SAPCD2: variants seen among roughly 807,000 people sequenced by gnomAD.
SAPCD2 encodes suppressor APC domain-containing protein 2.
Under a neutral mutation model 37.8 loss-of-function variants are expected in SAPCD2, and 34 were observed. That is an observed-to-expected ratio of 0.90 (90% CI 0.68 to 1.20). The LOEUF is 1.20. Among genes scored for constraint, SAPCD2 ranks in the 50% most tolerant of loss-of-function variants. SAPCD2 has a pLI of 0.00. For missense variants in SAPCD2, 572 were observed against 584.7 expected (o/e 0.98, Z 0.22); for synonymous variants, 275 against 270.3 (o/e 1.02, Z -0.17).
Position 137,064,764 on chromosome 9 carries a change from G to T in SAPCD2, c.1080C>A (p.Arg360=). The change falls in exon 6 of 6, where the codon CGC becomes CGA. Residue 360 remains arginine (R), a synonymous_variant. Coordinates refer to ENST00000409687, the MANE Select transcript of SAPCD2 (RefSeq NM_178448.4). ...ACTTCTCCTGCTCCAGCTGCGTGAT[G>T]CGCTCACTCTTCTCGGTCACCTCCT... ...LTQEVTEKSE[R]ITQLEQEKSA... The T allele has an allele frequency of 6.3e-7, 1 of 1,594,770 alleles. No individual in the cohort carries two copies. The highest frequency in any genetic ancestry group is 8.5e-7 in the Non-Finnish European group (1 of 1,171,366).
In SAPCD2 at chr9:137,065,606, C is replaced by T; in HGVS notation, c.747G>A (p.Met249Ile). The change falls in exon 3 of 6, where the codon ATG (methionine) becomes ATA (isoleucine). Residue 249 changes from methionine to isoleucine, a missense_variant. Coordinates refer to ENST00000409687, the MANE Select transcript of SAPCD2 (RefSeq NM_178448.4). ...KEVLLQGLEM[M>I]ARGRDWYQQQ... Reference sequence around the variant, plus strand: ...GCTGGTACCAGTCGCGGCCCCGCGCCATCATCTCCAAACCCTGCAGCAGCA... The same window carrying T: ...GCTGGTACCAGTCGCGGCCCCGCGCTATCATCTCCAAACCCTGCAGCAGCA... 6.2e-7 allele frequency: 1 copy of T among 1,610,904 alleles called. No homozygotes were observed. Among genetic ancestry groups the T allele is most frequent in the Non-Finnish European group, 8.5e-7 (1 of 1,178,394 alleles).
At chr9:137,065,375 C>T in intron 3 of SAPCD2, 147 bp downstream of exon 3, 2 of 1,114,544 alleles carry the variant, frequency 1.8e-6, no homozygotes, top group Non-Finnish European at 2.5e-6. Context: ...GGGGCAGCCA[C>T]AGGCGGAGAA....
Position 137,064,986 on chromosome 9 carries a change from GAGGGCAGGATT to G in SAPCD2, c.940-18_940-8del. ...AGGAGGACGGGGGCAGGGCCTGCGG[GAGGGCAGGATT>G]AGGCAGGCCTGGACGAGGGCGGGGA... On this transcript the variant is annotated splice_polypyrimidine_tract_variant and splice_region_variant and intron_variant, in intron 4 of 5. Coordinates refer to ENST00000409687, the MANE Select transcript of SAPCD2 (RefSeq NM_178448.4). 1 of 1,505,156 alleles carries G rather than the reference GAGGGCAGGATT, an allele frequency of 6.6e-7. No individual in the cohort carries two copies. 93.2% of individuals were successfully genotyped at this position (1,505,156 alleles called of 1,614,324 possible). A position where few individuals can be genotyped will look rare whatever the true frequency, so the allele number is the denominator to read the frequency against.
chr9:137,070,457 C>T lies in SAPCD2; in HGVS notation c.4G>A (p.Ala2Thr), dbSNP rs1832610812. ...CCCCGCTCGGCCATGGCGGCCCCGG[C>T]CATGGGCGCCCGGGATCGGTCCCCT... M[A>T]GAAMAERGRV... Residue 2 changes from alanine to threonine, a missense_variant, in exon 1 of 6, where the codon GCC becomes ACC. By Grantham distance (58) the Ala-to-Thr change is moderately conservative. Transcript: ENST00000409687. 1 of 1,228,948 alleles carries T rather than the reference C, an allele frequency of 8.1e-7. No homozygotes were observed. The highest frequency in any genetic ancestry group is 3.3e-5 in the East Asian group (1 of 29,880). 76.1% of individuals were successfully genotyped at this position (1,228,948 alleles called of 1,614,324 possible). A position where few individuals can be genotyped will look rare whatever the true frequency, so the allele number is the denominator to read the frequency against.
At chr9:137,069,168 A>G (rs1832590093) in intron 1 of SAPCD2, among the ~76,000 whole-genome samples, 1 of 152,232 alleles carries the variant, frequency 6.6e-6, no homozygotes, top group African/African-American at 2.4e-5. Context: ...CCTGTTCCCA[A>G]GGCAGGCACT....
rs1019745405 is a variant in SAPCD2 at position 137,064,412 on chromosome 9, G to T, written c.*247C>A. On this transcript the variant is annotated 3_prime_UTR_variant, in exon 6 of 6. Coordinates refer to ENST00000409687, the MANE Select transcript of SAPCD2 (RefSeq NM_178448.4). ...CGGCAGTAGTAGCTGCGGACTATGC[G>T]GACTCAAGAGAGCCCCAGCCCATGT... is the stretch of plus-strand genomic sequence containing the variant. 5.2e-6 allele frequency: 3 copies of T among 573,446 alleles called. No homozygotes were observed. Among genetic ancestry groups the T allele is most frequent in the Non-Finnish European group, 9.4e-6 (3 of 320,040 alleles). The allele number at this position is 573,446 out of a possible 1,614,324, so 35.5% of individuals were successfully genotyped here. A position where few individuals can be genotyped will look rare whatever the true frequency, so the allele number is the denominator to read the frequency against.
At position 137,070,386 on chromosome 9, in the gene SAPCD2, C is replaced by T. The variant is rs1202670121; in HGVS notation, c.75G>A (p.Pro25=). The T allele has an allele frequency of 7.2e-7, 1 of 1,395,984 alleles. No individual in the cohort carries two copies. The highest frequency in any genetic ancestry group is 9.3e-7 in the Non-Finnish European group (1 of 1,070,480). 86.5% of individuals were successfully genotyped at this position (1,395,984 alleles called of 1,614,324 possible). The change falls in exon 1 of 6, where the codon CCG becomes CCA. Residue 25 remains proline, a synonymous_variant. Coordinates refer to ENST00000409687, the MANE Select transcript of SAPCD2 (RefSeq NM_178448.4). ...TGCGCAGGCTCTGCAGGAAGGCGCG[C>T]GGCAGCCCCTCCGTGCTGGGCGCGG... ...PAPAPSTEGL[P]RAFLQSLRTL...
In SAPCD2 at chr9:137,064,957, C is replaced by T. The variant is rs1832522472; in HGVS notation, c.962G>A (p.Gly321Glu). The change falls in exon 5 of 6, where the codon GGG becomes GAG. Residue 321 changes from glycine to glutamate, a missense_variant. Gly to Glu is a moderately conservative substitution (Grantham distance 98). Coordinates refer to ENST00000409687, the MANE Select transcript of SAPCD2 (RefSeq NM_178448.4). ...ASRALPPSSS[G>E]PPCPALTSTS... ...GGACGTCAGGGCAGGGCAGGGGGGC[C>T]CGGAGGAGGACGGGGGCAGGGCCTG... is the stretch of plus-strand genomic sequence containing the variant. 6.5e-7 allele frequency: 1 copy of T among 1,545,906 alleles called. No individual in the cohort carries two copies. The highest frequency in any genetic ancestry group is 8.7e-7 in the Non-Finnish European group (1 of 1,144,344).
rs9411243 is a variant in SAPCD2, at chr9:137,063,489, C to T, written c.*1170G>A. ...CCCGCATCGGAGGCCCTGCGCCCCA[C>T]ACACACTGACCCCGCATCGGCATCG... On this transcript the variant is annotated 3_prime_UTR_variant, in exon 6 of 6. Transcript: ENST00000409687. The T allele has an allele frequency of 0.2, 30,087 of 150,394 alleles. 3,468 individuals carry two copies. Among genetic ancestry groups the T allele is most frequent in the East Asian group, 0.35 (1,768 of 5,010 alleles). 9.3% of individuals were successfully genotyped at this position (150,394 alleles called of 1,614,324 possible).
At chr9:137,066,937 G>A (rs985421628) in intron 1 of SAPCD2, among the ~76,000 whole-genome samples, 5 of 152,054 alleles carry the variant, frequency 3.3e-5, no homozygotes, top group African/African-American at 7.2e-5. Flanking sequence ...CGGGTGGATC[G>A]CTTGAGCTCA....
Position 137,070,487 on chromosome 9 carries a change from C to T in SAPCD2, c.-27G>A. ...GGCGCCCGGGATCGGTCCCCTCGTC[C>T]ACCCGCGTGCGTCCCAGCGCGGCCC... On this transcript the variant is annotated 5_prime_UTR_variant, in exon 1 of 6. Transcript: ENST00000409687. 8.3e-7 allele frequency: 1 copy of T among 1,202,308 alleles called. No homozygotes were observed. The highest frequency in any genetic ancestry group is 1.0e-6 in the Non-Finnish European group (1 of 967,206). The allele number at this position is 1,202,308 out of a possible 1,614,324, so 74.5% of individuals were successfully genotyped here.
Position 137,070,364 on chromosome 9 carries a change from G to C in SAPCD2, c.97C>G (p.Arg33Gly). 1 of 1,434,472 alleles carries C rather than the reference G, an allele frequency of 7.0e-7. No individual in the cohort carries two copies. The highest frequency in any genetic ancestry group is 9.2e-7 in the Non-Finnish European group (1 of 1,091,822). The allele number at this position is 1,434,472 out of a possible 1,614,324, so 88.9% of individuals were successfully genotyped here. A position where few individuals can be genotyped will look rare whatever the true frequency, so the allele number is the denominator to read the frequency against. The change falls in exon 1 of 6, where the codon CGC becomes GGC. Residue 33 changes from arginine (R) to glycine (G), a missense_variant. Physicochemically the swap from Arg to Gly is moderately radical, Grantham distance 125. Transcript: ENST00000409687. ...GLPRAFLQSL[R>G]TLFDILDDRR... The stretch of plus-strand genomic sequence containing the variant: ...TCGTCCAGGATGTCGAACAGGGTGC[G>C]CAGGCTCTGCAGGAAGGCGCGCGGC...
rs926518902 is a variant in SAPCD2 at position 137,064,482 on chromosome 9, C to A, written c.*177G>T. The A allele has an allele frequency of 1.3e-5, 9 of 702,994 alleles. No individual in the cohort carries two copies. The African/African-American group carries it at 1.6e-4, about 13-fold the overall frequency. 43.5% of individuals were successfully genotyped at this position (702,994 alleles called of 1,614,324 possible). On this transcript the variant is annotated 3_prime_UTR_variant, in exon 6 of 6. Transcript: ENST00000409687. Reference sequence around the variant, plus strand: ...GGAGTCAAGCGCTCGGTGCGGGGACCAGCCGGGGGCAGGCCTGGGGAGCCC... The same window carrying A: ...GGAGTCAAGCGCTCGGTGCGGGGACAAGCCGGGGGCAGGCCTGGGGAGCCC...
At chr9:137,069,803 A>C in intron 1 of SAPCD2, 87 bp downstream of exon 1, 1 of 936,404 alleles carries the variant, frequency 1.1e-6, no homozygotes, top group Non-Finnish European at 1.4e-6. Flanking sequence ...CCTTGTGGGA[A>C]ATGCACGGGC....
At chr9:137,065,466 G>T in intron 3 of SAPCD2, 56 bp downstream of exon 3, 1 of 1,528,224 alleles carries the variant, frequency 6.5e-7, no homozygotes. Context: ...AAGGGTGCCT[G>T]GGGTGAGCTG....
Position 137,065,130 on chromosome 9 carries a change from T to C in SAPCD2, c.887A>G (p.Gln296Arg). Residue 296 changes from glutamine (Q) to arginine (R), a missense_variant, in exon 4 of 6, where the codon CAA (glutamine) becomes CGA (arginine). Gln to Arg is a conservative substitution (Grantham distance 43, BLOSUM62 1). Transcript: ENST00000409687. ...RPLGRLLPKVQEVARCLGELL... is the reference protein window; with the variant it reads ...RPLGRLLPKVREVARCLGELL... ...CTCCCCCAGGCACCGGGCCACCTCTTGTACCTTGGGCAGTAGCCGCCCCAG... is the reference window on the plus strand; with the variant it reads ...CTCCCCCAGGCACCGGGCCACCTCTCGTACCTTGGGCAGTAGCCGCCCCAG... 6.5e-7 allele frequency: 1 copy of C among 1,541,802 alleles called. No individual in the cohort carries two copies. Among genetic ancestry groups the C allele is most frequent in the Non-Finnish European group, 8.7e-7 (1 of 1,144,584 alleles).
chr9:137,069,759 C>T (rs1333934989), intron 1 of SAPCD2, 131 bp downstream of exon 1: 4 of 614,102 alleles, frequency 6.5e-6, no homozygotes, highest in Non-Finnish European at 9.3e-6. Flanking sequence ...CTCCAGGATC[C>T]GGAGTCCACG....
At position 137,064,705 on chromosome 9, in the gene SAPCD2, G is replaced by A. The variant is rs1373927946; in HGVS notation, c.1139C>T (p.Ala380Val). Residue 380 changes from alanine to valine, a missense_variant, in exon 6 of 6, where the codon GCC (alanine) becomes GTC (valine). By Grantham distance (64) the Ala-to-Val change is moderately conservative. Transcript: ENST00000409687. ...AGGTCCCCCGTCCTGCTGGCTCAGGGCGCGGGCCTCAAACAGCTGCTTAAT... is the reference window on the plus strand; with the variant it reads ...AGGTCCCCCGTCCTGCTGGCTCAGGACGCGGGCCTCAAACAGCTGCTTAAT... The part of the protein sequence containing the change: ...ALIKQLFEAR[A>V]LSQQDGGPLD... 3.8e-6 allele frequency: 6 copies of A among 1,595,290 alleles called. No individual in the cohort carries two copies. The highest frequency in any genetic ancestry group is 5.1e-6 in the Non-Finnish European group (6 of 1,172,136).
In SAPCD2 at chr9:137,070,186, C is replaced by A; in HGVS notation, c.275G>T (p.Arg92Leu). The A allele has an allele frequency of 7.4e-7, 1 of 1,349,232 alleles. No individual in the cohort carries two copies. Among genetic ancestry groups the A allele is most frequent in the Non-Finnish European group, 9.6e-7 (1 of 1,044,116 alleles). 83.6% of individuals were successfully genotyped at this position (1,349,232 alleles called of 1,614,324 possible). A position where few individuals can be genotyped will look rare whatever the true frequency, so the allele number is the denominator to read the frequency against. Residue 92 changes from arginine (R) to leucine (L), a missense_variant, in exon 1 of 6, where the codon CGC (arginine) becomes CTC (leucine). Transcript: ENST00000409687. ...LTFERFVAGL[R>L]TSLLSADGGP... ...GCCGTCGGCGCTCAGCAGGGAGGTG[C>A]GCAGGCCGGCCACGAAGCGCTCGAA...
Sources: gnomAD v4.1 joint callset for allele counts (sites outside exome capture counted in the v4.1 genomes callset) on GRCh38, gnomAD v4.1.1 for gene constraint, MANE v1.5 for transcripts, NCBI Gene and HGNC (gene_info 2026-07-23, HGNC 2026-07-21) for gene names.